CSMD1: variants seen among roughly 807,000 people sequenced by gnomAD.
CSMD1 encodes the protein CUB and sushi domain-containing protein 1.
In CSMD1, 213 loss-of-function variants were observed where a neutral mutation model predicts 417.5. The observed-to-expected ratio is 0.51, with a 90% CI of 0.46 to 0.57. CSMD1 has a LOEUF of 0.57. Ranked by LOEUF, CSMD1 falls within the 20% of genes least tolerant of loss-of-function variation. The pLI, the probability that CSMD1 is intolerant of heterozygous loss-of-function variation, is 0.00. For synonymous variants in CSMD1, 2,862 were observed against 1,736.8 expected (o/e 1.65, Z -16.11); for missense variants, 6,923 against 4,529.7 (o/e 1.53, Z -15.17).
chr8:3,198,285 T>G (rs17063081), intron 33 of CSMD1, among the ~76,000 whole-genome samples: 5,855 of 152,266 alleles, frequency 0.038, 379 homozygotes, highest in African/African-American at 0.13. Context: ...TCAGTCACTT[T>G]AGTGTTTCCA....
At chr8:3,957,054 T>G (rs1186339300) in intron 5 of CSMD1, among the ~76,000 whole-genome samples, 6 of 152,146 alleles carry the variant, frequency 3.9e-5, no homozygotes, top group South Asian at 2.1e-4. Context: ...AGAAATAACG[T>G]AGGAGACAAA....
chr8:4,372,454 T>G (rs1252940199), intron 3 of CSMD1, among the ~76,000 whole-genome samples: 6 of 151,886 alleles, frequency 4.0e-5, no homozygotes, highest in Non-Finnish European at 8.8e-5. Flanking sequence ...GTGAACTCAA[T>G]TCAAGGGCAA....
At chr8:3,250,304 T>A (rs1399438185) in intron 26 of CSMD1, among the ~76,000 whole-genome samples, 1 of 152,108 alleles carries the variant, frequency 6.6e-6, no homozygotes, top group Non-Finnish European at 1.5e-5. Context: ...TGAGAACATG[T>A]GGTGTTTGGT....
chr8:3,920,859 T>C (rs374542399), intron 5 of CSMD1, among the ~76,000 whole-genome samples: 12 of 152,200 alleles, frequency 7.9e-5, no homozygotes, highest in East Asian at 7.7e-4. Context: ...TAATGTGCTA[T>C]TGAATTCATT....
intron 49 of CSMD1, among the ~76,000 whole-genome samples, chr8:3,080,172 GCTCT>G (rs921214344): frequency 1.3e-5 from 2 of 152,206 alleles, no homozygotes; most frequent in African/African-American, 4.8e-5. Flanking sequence ...CCTGGGAGTT[GCTCT>G]CTCTTTGACC....
At chr8:3,449,604 G>A (rs895239540) in intron 12 of CSMD1, among the ~76,000 whole-genome samples, 4 of 151,638 alleles carry the variant, frequency 2.6e-5, no homozygotes, top group Non-Finnish European at 4.4e-5. Context: ...TGCAAACTCT[G>A]CCTCTTGGGT....
At chr8:4,695,346 T>G (rs1807058271) in intron 1 of CSMD1, among the ~76,000 whole-genome samples, 1 of 152,188 alleles carries the variant, frequency 6.6e-6, no homozygotes, top group Non-Finnish European at 1.5e-5. Flanking sequence ...CATCCATGCT[T>G]GAGAGTGAGG....
intron 1 of CSMD1, among the ~76,000 whole-genome samples, chr8:4,894,764 A>G (rs902380153): frequency 3.3e-5 from 5 of 151,838 alleles, no homozygotes; most frequent in Non-Finnish European, 5.9e-5. Context: ...TTGTGTGCAC[A>G]TGTATAAAAT....
chr8:3,708,904 C>G (rs73658216), intron 6 of CSMD1, among the ~76,000 whole-genome samples: 4,894 of 152,162 alleles, frequency 0.032, 248 homozygotes, highest in African/African-American at 0.11. Context: ...GATAAAAAGG[C>G]CAGTTGCTCA....
intron 7 of CSMD1, among the ~76,000 whole-genome samples, chr8:3,629,714 A>G (rs1220198375): frequency 7.6e-6 from 1 of 131,962 alleles, no homozygotes; most frequent in Non-Finnish European, 1.7e-5. Flanking sequence ...ATCGGCACAG[A>G]AAGAATAAAG....
rs569298047 is a variant in CSMD1, at chr8:3,357,497, C to T, written c.3304+1655G>A. The stretch of plus-strand genomic sequence containing the variant: ...TAATAAATAGTACCTATTCTTCCAA[C>T]TCTAGTTACTGAGTTTTCATATTTT... On this transcript the variant is annotated intron_variant, in intron 21 of 69. Transcript: ENST00000635120. 2.4e-3 allele frequency among the ~76,000 whole-genome samples: 373 copies of T among 152,346 alleles called. 3 individuals are homozygous for T. Among genetic ancestry groups the T allele is most frequent in the African/African-American group, 8.7e-3 (360 of 41,594 alleles).
intron 5 of CSMD1, among the ~76,000 whole-genome samples, chr8:3,934,773 G>T (rs1810372680): frequency 6.6e-6 from 1 of 152,010 alleles, no homozygotes; most frequent in African/African-American, 2.4e-5. Flanking sequence ...CTTGAACCTG[G>T]GAAGCAGAGG....
chr8:3,000,166 G>C, intron 52 of CSMD1, 35 bp from the exon 53 acceptor site: 1 of 1,464,514 alleles, frequency 6.8e-7, no homozygotes, highest in East Asian at 2.4e-5. Context: ...AATTTAGAGT[G>C]TCTGTCATTT....
intron 5 of CSMD1, among the ~76,000 whole-genome samples, chr8:3,977,042 C>T (rs1813488314): frequency 6.6e-6 from 1 of 152,196 alleles, no homozygotes; most frequent in African/African-American, 2.4e-5. Flanking sequence ...GACGGGATTA[C>T]AACCATCTTT....
At chr8:3,940,740 C>G (rs1247045045) in intron 5 of CSMD1, among the ~76,000 whole-genome samples, 1 of 151,542 alleles carries the variant, frequency 6.6e-6, no homozygotes, top group Non-Finnish European at 1.5e-5. Flanking sequence ...TTTAAAGTAG[C>G]TTATTTTTCA....
intron 3 of CSMD1, among the ~76,000 whole-genome samples, chr8:4,129,717 T>G (rs1406568532): frequency 6.6e-6 from 1 of 152,110 alleles, no homozygotes; most frequent in Non-Finnish European, 1.5e-5. Flanking sequence ...TCATTCAGTA[T>G]TCAGTTTTCT....
intron 3 of CSMD1, among the ~76,000 whole-genome samples, chr8:4,108,312 T>C (rs953625229): frequency 1.3e-5 from 2 of 152,158 alleles, no homozygotes; most frequent in South Asian, 2.1e-4. Flanking sequence ...CATATGACAA[T>C]TGTAAAAATT....
chr8:4,749,415 G>A (rs577837479), intron 1 of CSMD1, among the ~76,000 whole-genome samples: 30 of 152,338 alleles, frequency 2.0e-4, no homozygotes, highest in African/African-American at 6.7e-4. Flanking sequence ...TATTCTGAAG[G>A]TGTTTAGAGG....
chr8:4,471,044 G>C (rs556377311), intron 2 of CSMD1, among the ~76,000 whole-genome samples: 2 of 151,988 alleles, frequency 1.3e-5, no homozygotes, highest in Admixed American at 1.3e-4. Flanking sequence ...AACTTGCAAG[G>C]TCTAATTTCC....
Sources: allele counts gnomAD v4.1 joint callset (sites outside exome capture counted in the v4.1 genomes callset), GRCh38; gene constraint gnomAD v4.1.1; transcripts MANE v1.5; gene names NCBI Gene and HGNC (gene_info 2026-07-23, HGNC 2026-07-21).